Variants in MAF observed in about 807,000 individuals in gnomAD.
The protein encoded by MAF is MAF bZIP transcription factor.
A neutral mutation model predicts 22.0 loss-of-function variants in MAF; 10 were observed. The ratio of observed to expected loss-of-function variants is 0.45; its 90% confidence interval spans 0.28 to 0.77. The LOEUF (loss-of-function observed/expected upper bound fraction) is 0.77. MAF is among the 30% of genes least tolerant of loss of function. The pLI, the probability that MAF is intolerant of heterozygous loss-of-function variation, is 0.12. For missense variants in MAF, 544 were observed against 548.4 expected, an observed-to-expected ratio of 0.99 and a Z score of 0.08; for synonymous variants, 337 against 255.8, an observed-to-expected ratio of 1.32 and a Z score of -3.03.
the MAF span, among the ~76,000 whole-genome samples, chr16:79,297,935 A>T: frequency 6.6e-6 from 1 of 152,196 alleles, no homozygotes; most frequent in South Asian, 2.1e-4. Context: ...CTTGGATAGG[A>T]CCCAGGAGTT....
the MAF span, among the ~76,000 whole-genome samples, chr16:79,272,827 C>A: frequency 1.4e-4 from 22 of 152,240 alleles, no homozygotes; most frequent in African/African-American, 4.6e-4. Context: ...TCCACGTTGA[C>A]CTGATTCCTT....
At chr16:79,312,828 T>C in the MAF span, among the ~76,000 whole-genome samples, 2 of 152,186 alleles carry the variant, frequency 1.3e-5, no homozygotes, top group Non-Finnish European at 2.9e-5. Flanking sequence ...TTCGGCTACA[T>C]ATAAGACAGG....
chr16:79,216,810 A>G, the MAF span, among the ~76,000 whole-genome samples: 3 of 147,430 alleles, frequency 2.0e-5, no homozygotes, highest in African/African-American at 7.6e-5. Flanking sequence ...TCTATCTGCT[A>G]CTTTTTTTTT....
chr16:79,473,870 G>A, the MAF span, among the ~76,000 whole-genome samples: 5 of 152,080 alleles, frequency 3.3e-5, no homozygotes, highest in Non-Finnish European at 5.9e-5. Context: ...AAAATTAAAT[G>A]AGAAATCATC....
the MAF span, among the ~76,000 whole-genome samples, chr16:79,431,603 T>C: frequency 6.6e-6 from 1 of 152,222 alleles, no homozygotes; most frequent in African/African-American, 2.4e-5. Context: ...TTGAAAGTTA[T>C]AATTGGAGAC....
At chr16:79,211,920 G>GCATTCACAA in the MAF span, 1 of 1,543,598 alleles carries the variant, frequency 6.5e-7, no homozygotes, top group Non-Finnish European at 8.7e-7. Context: ...GGAAATAAGA[G>GCATTCACAA]CAGTCACAAC....
At chr16:79,306,141 C>T in the MAF span, among the ~76,000 whole-genome samples, 1 of 152,212 alleles carries the variant, frequency 6.6e-6, no homozygotes, top group Non-Finnish European at 1.5e-5. Flanking sequence ...GGAGTCTCTG[C>T]CTCCTATGCT....
At chr16:79,291,309 T>G in the MAF span, among the ~76,000 whole-genome samples, 1 of 152,134 alleles carries the variant, frequency 6.6e-6, no homozygotes, top group Non-Finnish European at 1.5e-5. Flanking sequence ...GAGGTGCTGG[T>G]GGGAGGGACG....
the MAF span, among the ~76,000 whole-genome samples, chr16:79,531,151 G>T: frequency 1.4e-3 from 212 of 152,298 alleles, no homozygotes; most frequent in Middle Eastern, 6.8e-3. Flanking sequence ...TTTTAATTCT[G>T]TTGCTAGAGC....
chr16:79,523,438 A>G, the MAF span, among the ~76,000 whole-genome samples: 1 of 152,234 alleles, frequency 6.6e-6, no homozygotes, highest in Non-Finnish European at 1.5e-5. Context: ...CATGTTACTT[A>G]TTTCTATTTT....
the MAF span, among the ~76,000 whole-genome samples, chr16:79,498,585 C>A: frequency 6.6e-6 from 1 of 152,160 alleles, no homozygotes; most frequent in Non-Finnish European, 1.5e-5. Context: ...TTGTTTACAA[C>A]TCACACCAGC....
chr16:79,363,270 C>A, the MAF span, among the ~76,000 whole-genome samples: 2 of 152,034 alleles, frequency 1.3e-5, no homozygotes, highest in Non-Finnish European at 2.9e-5. Context: ...AAATACAGCT[C>A]CTTCTTGACT....
the MAF span, among the ~76,000 whole-genome samples, chr16:79,462,913 G>A: frequency 6.6e-6 from 1 of 152,174 alleles, no homozygotes; most frequent in Non-Finnish European, 1.5e-5. Flanking sequence ...CGTATTTTGG[G>A]GTATTGCTTA....
chr16:79,292,620 G>A, the MAF span, among the ~76,000 whole-genome samples: 1 of 152,112 alleles, frequency 6.6e-6, no homozygotes, highest in Admixed American at 6.6e-5. Flanking sequence ...CTTGAATAGG[G>A]GCTGGTCACA....
the MAF span, among the ~76,000 whole-genome samples, chr16:79,399,557 C>T: frequency 3.3e-5 from 5 of 152,100 alleles, no homozygotes; most frequent in African/African-American, 9.7e-5. Flanking sequence ...GGTTGTTTTC[C>T]ATTTTTCAAC....
At chr16:79,525,173 A>C in the MAF span, among the ~76,000 whole-genome samples, 1 of 152,212 alleles carries the variant, frequency 6.6e-6, no homozygotes, top group African/African-American at 2.4e-5. Flanking sequence ...TCGCTCTTGC[A>C]ATCTATTCTT....
chr16:79,425,383 T>C, the MAF span, among the ~76,000 whole-genome samples: 2 of 152,172 alleles, frequency 1.3e-5, no homozygotes, highest in Non-Finnish European at 2.9e-5. Flanking sequence ...TCTTACTACA[T>C]TGTTTGCATG....
chr16:79,576,231 TAAAAAA>T, the MAF span, among the ~76,000 whole-genome samples: 11 of 43,012 alleles, frequency 2.6e-4, no homozygotes, highest in Middle Eastern at 0.014. Flanking sequence ...CCTGTGGTAC[TAAAAAA>T]AAAAAAAAAA....
intron 1 of MAF, chr16:79,596,648 T>C (rs1440618346): frequency 9.6e-7 from 1 of 1,038,948 alleles, no homozygotes; most frequent in African/African-American, 1.7e-5. Flanking sequence ...GACAAGATTT[T>C]TTTATATTTA....
Sources: gnomAD v4.1 joint callset for allele counts (sites outside exome capture counted in the v4.1 genomes callset) on GRCh38, gnomAD v4.1.1 for gene constraint, MANE v1.5 for transcripts, NCBI Gene and HGNC (gene_info 2026-07-23, HGNC 2026-07-21) for gene names.